Variants in PRKCE observed in about 807,000 individuals in gnomAD.
PRKCE encodes protein kinase C epsilon type.
Under a neutral mutation model 85.4 loss-of-function variants are expected in PRKCE, and 16 were observed. The ratio of observed to expected loss-of-function variants is 0.19; its 90% CI spans 0.13 to 0.28. The LOEUF (loss-of-function observed/expected upper bound fraction) is 0.28, where lower values mean the gene tolerates loss of function less well. Ranked by LOEUF, PRKCE falls within the 10% of genes least tolerant of loss-of-function variation. The probability of loss-of-function intolerance (pLI) is 1.00; values close to 1 mark genes in which losing one functional copy is unlikely to be tolerated. For synonymous variants in PRKCE, 388 were observed against 371.5 expected, an observed-to-expected ratio of 1.04 and a Z score of -0.51; for missense variants, 573 against 975.2, an observed-to-expected ratio of 0.59 and a Z score of 5.49.
chr2:45,975,776 GC>G (rs1288887865), intron 2 of PRKCE, among the ~76,000 whole-genome samples: 1 of 152,198 alleles, frequency 6.6e-6, no homozygotes, highest in Admixed American at 6.5e-5. Flanking sequence ...GATCTTTACA[GC>G]CCATGGTGGT....
At chr2:45,920,637 C>T (rs781108961) in intron 2 of PRKCE, among the ~76,000 whole-genome samples, 2 of 152,014 alleles carry the variant, frequency 1.3e-5, no homozygotes, top group African/African-American at 4.8e-5. Flanking sequence ...TTCAAAAGAC[C>T]ACATATTGTA....
Position 45,704,709 on chromosome 2 carries a change from C to T in PRKCE, c.348+52261C>T, listed in dbSNP as rs745481447. On this transcript the variant is annotated intron_variant, in intron 1 of 14. Transcript: ENST00000306156. ...GCTGCTGGCACATGCAGGTGCCCAG[C>T]AAATGTCCATCTCTTCCTTCCCCCT... Among the ~76,000 whole-genome samples the T allele has an allele frequency of 1.6e-4, 24 of 152,186 alleles. 1 individual carries two copies. Among genetic ancestry groups the T allele is most frequent in the Admixed American group, 4.6e-4 (7 of 15,284 alleles).
intron 1 of PRKCE, among the ~76,000 whole-genome samples, chr2:45,766,056 G>A (rs1488963280): frequency 6.6e-6 from 1 of 152,228 alleles, no homozygotes; most frequent in Non-Finnish European, 1.5e-5. Context: ...ACTGGAGATA[G>A]GGGAGATTAT....
rs780019998 is a variant in PRKCE at position 45,712,673 on chromosome 2, C to A, written c.348+60225C>A. ...GGGCCTGGACAGGCCATTCCCTTTG[C>A]CTGGAAGGGCCTTTTGCCTTTTTTC... On this transcript the variant is annotated intron_variant, in intron 1 of 14. Transcript: ENST00000306156. 2.6e-5 allele frequency among the ~76,000 whole-genome samples: 4 copies of A among 152,262 alleles called. No homozygotes were observed. The South Asian group carries it at 6.2e-4, about 24-fold the overall frequency.
At chr2:45,730,863 G>T (rs1681512546) in intron 1 of PRKCE, among the ~76,000 whole-genome samples, 1 of 152,150 alleles carries the variant, frequency 6.6e-6, no homozygotes, top group African/African-American at 2.4e-5. Context: ...TTGTGTGTCT[G>T]CCCGACAGAT....
chr2:45,827,641 T>A (rs754746), intron 1 of PRKCE, among the ~76,000 whole-genome samples: 96,468 of 152,194 alleles, frequency 0.63, 31,951 homozygotes, highest in African/African-American at 0.83. Flanking sequence ...AGTTACAGAA[T>A]AAAAGCCAGT....
At chr2:45,806,900 C>T (rs551052092) in intron 1 of PRKCE, among the ~76,000 whole-genome samples, 1 of 152,276 alleles carries the variant, frequency 6.6e-6, no homozygotes, top group Admixed American at 6.5e-5. Context: ...CTGCTTAGAG[C>T]TTCTGTGAGG....
At position 45,678,691 on chromosome 2, in the gene PRKCE, G is replaced by A. The variant is rs185812325; in HGVS notation, c.348+26243G>A. 9.6e-5 allele frequency among the ~76,000 whole-genome samples: 14 copies of A among 145,724 alleles called. 1 individual carries two copies. Among genetic ancestry groups the A allele is most frequent in the Admixed American group, 4.0e-4 (6 of 14,962 alleles). ...CAGAAGTTTATCATGTAATTATCTG[G>A]ATTTTTTTTTTTCATTTCTCTGAGC... On this transcript the variant is annotated intron_variant, in intron 1 of 14. Transcript: ENST00000306156.
intron 1 of PRKCE, among the ~76,000 whole-genome samples, chr2:45,800,140 A>C (rs1051843327): frequency 6.6e-6 from 1 of 152,230 alleles, no homozygotes; most frequent in African/African-American, 2.4e-5. Context: ...GTGGCGCAGG[A>C]GTGCCCAGCG....
At chr2:46,071,763 A>G (rs1307117543) in intron 10 of PRKCE, among the ~76,000 whole-genome samples, 1 of 152,234 alleles carries the variant, frequency 6.6e-6, no homozygotes. Context: ...TCCTATCTGC[A>G]TTGTCAGCCA....
At chr2:45,916,079 G>C (rs1230583273) in intron 2 of PRKCE, among the ~76,000 whole-genome samples, 17 of 152,088 alleles carry the variant, frequency 1.1e-4, no homozygotes, top group Admixed American at 1.0e-3. Flanking sequence ...GTGGTATGAG[G>C]AAGGAACTCT....
rs74447244 is a variant in PRKCE at position 45,927,829 on chromosome 2, G to T, written c.413-48600G>T. On this transcript the variant is annotated intron_variant, in intron 2 of 14. Transcript: ENST00000306156. Reference sequence around the variant, plus strand: ...TCTTTATTTTTCCTTAGCTCTAGAAGAACTTTTCCACAGTGATTTCAAATA... The same window carrying T: ...TCTTTATTTTTCCTTAGCTCTAGAATAACTTTTCCACAGTGATTTCAAATA... 2.0e-5 allele frequency among the ~76,000 whole-genome samples: 3 copies of T among 152,032 alleles called. No individual in the cohort carries two copies. The East Asian group carries it at 5.8e-4, about 29-fold the overall frequency.
chr2:45,736,327 C>T (rs1682055829), intron 1 of PRKCE, among the ~76,000 whole-genome samples: 1 of 152,090 alleles, frequency 6.6e-6, no homozygotes, highest in South Asian at 2.1e-4. Context: ...AAGTCACTTG[C>T]CCCAGGTCAG....
At chr2:46,154,813 G>A (rs1331474013) in intron 13 of PRKCE, among the ~76,000 whole-genome samples, 1 of 150,226 alleles carries the variant, frequency 6.7e-6, no homozygotes, top group Non-Finnish European at 1.5e-5. Flanking sequence ...ATACCTGATA[G>A]CAGTTTCCAC....
Position 45,658,132 on chromosome 2 carries a change from C to T in PRKCE, c.348+5684C>T, listed in dbSNP as rs559669253. On this transcript the variant is annotated intron_variant, in intron 1 of 14. Transcript: ENST00000306156. Reference sequence around the variant, plus strand: ...AAGGGGGTAAGGAGGTAGGGAAGGGCTGGCAATTGTCCATACCTCCTTCGT... The same window carrying T: ...AAGGGGGTAAGGAGGTAGGGAAGGGTTGGCAATTGTCCATACCTCCTTCGT... Among the ~76,000 whole-genome samples the T allele has an allele frequency of 5.3e-3, 807 of 152,254 alleles. 2 individuals are homozygous for T. Among genetic ancestry groups the T allele is most frequent in the Non-Finnish European group, 8.4e-3 (574 of 68,002 alleles).
At chr2:45,782,643 G>A (rs1288534874) in intron 1 of PRKCE, among the ~76,000 whole-genome samples, 1 of 152,020 alleles carries the variant, frequency 6.6e-6, no homozygotes, top group African/African-American at 2.4e-5. Flanking sequence ...CCTCAGATTT[G>A]GGAAAGATGG....
chr2:46,145,216 C>T lies in PRKCE; in HGVS notation c.1716C>T (p.Asp572=). The T allele has an allele frequency of 1.3e-6, 2 of 1,599,704 alleles. No homozygotes were observed. Among genetic ancestry groups the T allele is most frequent in the Non-Finnish European group, 1.7e-6 (2 of 1,179,952 alleles). ...CCACCACGTTCTGTGGGACTCCTGA[C>T]TACATAGCTCCTGAGGTAAGACCTG... ...VTTTTFCGTP[D]YIAPEILQEL... is the part of the protein sequence containing the mutation. The change falls in exon 12 of 15, where the codon GAC becomes GAT. Residue 572 remains aspartate, a synonymous_variant. Transcript: ENST00000306156. This position sits in a 1 kb window ranked among gnomAD's most constrained non-coding sequence, Gnocchi z 4.6.
chr2:46,011,007 A>G, intron 10 of PRKCE: 1 of 1,277,842 alleles, frequency 7.8e-7, no homozygotes, highest in African/African-American at 1.5e-5. Flanking sequence ...CAGCATTTTT[A>G]ATTTACCGCA....
chr2:45,815,759 A>T (rs965256952), intron 1 of PRKCE, among the ~76,000 whole-genome samples: 1 of 152,206 alleles, frequency 6.6e-6, no homozygotes, highest in Non-Finnish European at 1.5e-5. Context: ...AATGACATGG[A>T]TCTAGAGTGG....
Sources: gnomAD v4.1 joint callset for allele counts (sites outside exome capture counted in the v4.1 genomes callset) on GRCh38, gnomAD v4.1.1 for gene constraint, Gnocchi (gnomAD v3.1) non-coding constraint, MANE v1.5 for transcripts, NCBI Gene and HGNC (gene_info 2026-07-23, HGNC 2026-07-21) for gene names.